MMP26: variants seen among roughly 807,000 people sequenced by gnomAD.
MMP26 encodes matrix metallopeptidase 26.
In MMP26, 33 loss-of-function variants were observed where a neutral mutation model predicts 31.0. The observed-to-expected ratio is 1.06, with a 90% CI of 0.81 to 1.42. The LOEUF is 1.42. Among genes scored for constraint, MMP26 ranks in the 40% most tolerant of loss-of-function variants. MMP26 has a pLI of 0.00. For missense variants in MMP26, 347 were observed against 316.1 expected (o/e 1.10, Z -0.74); for synonymous variants, 122 against 114.9 (o/e 1.06, Z -0.40).
chr11:4,991,524 A>G (rs1847002657), intron 6 of MMP26, 28 bp downstream of exon 6: 2 of 1,608,320 alleles, frequency 1.2e-6, no homozygotes, highest in African/African-American at 2.7e-5. Flanking sequence ...TGGGATCGCT[A>G]GAACTCTCTG....
intron 2 of MMP26, among the ~76,000 whole-genome samples, chr11:4,855,109 G>A: frequency 6.6e-6 from 1 of 152,114 alleles, no homozygotes; most frequent in South Asian, 2.1e-4. Flanking sequence ...ACAAAGATGG[G>A]GAGAAAACAG....
At chr11:4,721,028 A>G (rs951521951) in intron 1 of MMP26, among the ~76,000 whole-genome samples, 16 of 152,238 alleles carry the variant, frequency 1.1e-4, no homozygotes, top group Non-Finnish European at 2.1e-4. Flanking sequence ...CAAACATGAT[A>G]GACATATTTG....
intron 2 of MMP26, chr11:4,832,712 G>A: frequency 5.1e-6 from 1 of 194,186 alleles, no homozygotes; most frequent in South Asian, 1.1e-4. Context: ...TCTGACAACA[G>A]GGTTAACTTT....
intron 2 of MMP26, among the ~76,000 whole-genome samples, chr11:4,948,610 A>G (rs1846342469): frequency 1.6e-5 from 2 of 124,392 alleles, no homozygotes; most frequent in African/African-American, 2.7e-5. Context: ...TTGGTCCTAC[A>G]GTTGCAAATC....
chr11:4,923,276 T>C, intron 2 of MMP26: 18 of 1,282,978 alleles, frequency 1.4e-5, no homozygotes, highest in Non-Finnish European at 1.9e-5. Flanking sequence ...ATTGCCTTTT[T>C]GTTGACAGTC....
intron 2 of MMP26, among the ~76,000 whole-genome samples, chr11:4,960,676 C>T (rs1264786939): frequency 6.6e-6 from 1 of 151,888 alleles, no homozygotes; most frequent in Non-Finnish European, 1.5e-5. Context: ...AAGTCCAAAA[C>T]TCCAAAAATT....
intron 5 of MMP26, among the ~76,000 whole-genome samples, chr11:4,991,075 C>A (rs751024274): frequency 2.0e-5 from 3 of 152,180 alleles, no homozygotes; most frequent in African/African-American, 7.2e-5. Context: ...AGTTTAAATT[C>A]TCTTTCCCTT....
intron 2 of MMP26, among the ~76,000 whole-genome samples, chr11:4,818,908 T>C (rs536851048): frequency 6.6e-6 from 1 of 152,264 alleles, no homozygotes; most frequent in South Asian, 2.1e-4. Flanking sequence ...AGTGAATACA[T>C]TTGGAAAAGA....
In MMP26 at chr11:4,800,632, G is replaced by C. The variant is rs919791991; in HGVS notation, c.-145+33291G>C. Among the ~76,000 whole-genome samples, 3 of 152,146 alleles carry C rather than the reference G, an allele frequency of 2.0e-5. No individual in the cohort carries two copies. In the East Asian group the frequency reaches 5.8e-4, roughly 29 times the overall value. Reference sequence around the variant, plus strand: ...ATCTCTCTAGCAAGTGATTTCTCCAGAGCTTACTTGACTTCCTCCCTGGAA... The same window carrying C: ...ATCTCTCTAGCAAGTGATTTCTCCACAGCTTACTTGACTTCCTCCCTGGAA... On this transcript the variant is annotated intron_variant, in intron 2 of 7. Coordinates refer to ENST00000380390, the MANE Select transcript of MMP26 (RefSeq NM_021801.5).
intron 1 of MMP26, among the ~76,000 whole-genome samples, chr11:4,715,473 A>G (rs1169369801): frequency 6.6e-6 from 1 of 152,166 alleles, no homozygotes; most frequent in Non-Finnish European, 1.5e-5. Context: ...TGGATCAAAT[A>G]GTGGATCTAA....
chr11:4,857,485 T>A (rs1194318037), intron 2 of MMP26, among the ~76,000 whole-genome samples: 2 of 151,922 alleles, frequency 1.3e-5, no homozygotes, highest in Non-Finnish European at 2.9e-5. Flanking sequence ...AAGAAATGGA[T>A]AAATTCCTGG....
Position 4,764,963 on chromosome 11 carries a change from T to G in MMP26, c.-216-2307T>G, listed in dbSNP as rs149555074. Among the ~76,000 whole-genome samples, 134 of 152,248 alleles carry G rather than the reference T, an allele frequency of 8.8e-4. 1 individual carries two copies. The highest frequency in any genetic ancestry group is 2.9e-3 in the Admixed American group (45 of 15,278). ...ACTCCATTTCCTGAGTATTTGAAAC[T>G]TCAAGGGAGACACATGAGGACATTC... On this transcript the variant is annotated intron_variant, in intron 1 of 7. Transcript: ENST00000380390.
chr11:4,710,484 C>T (rs1847847332), intron 1 of MMP26: 1 of 438,586 alleles, frequency 2.3e-6, no homozygotes, highest in Admixed American at 2.4e-5. Flanking sequence ...CAAGGCTGTG[C>T]TCAAAGCATT....
intron 2 of MMP26, among the ~76,000 whole-genome samples, chr11:4,833,829 T>C (rs1005130115): frequency 6.6e-5 from 10 of 152,182 alleles, no homozygotes; most frequent in Non-Finnish European, 4.4e-5. Flanking sequence ...ATAGTAAAGA[T>C]AAGGGACTGA....
At chr11:4,989,506 A>C (rs948444163) in intron 3 of MMP26, 142 bp from the exon 4 acceptor site, 9 of 609,006 alleles carry the variant, frequency 1.5e-5, no homozygotes, top group Non-Finnish European at 2.6e-5. Context: ...GGCTGCCATC[A>C]TCTGACTGAG....
At chr11:4,935,728 C>G (rs1008636289) in intron 2 of MMP26, among the ~76,000 whole-genome samples, 3 of 149,874 alleles carry the variant, frequency 2.0e-5, no homozygotes, top group African/African-American at 7.3e-5. Context: ...ATAGATAGCT[C>G]TTATCATTTT....
At chr11:4,806,094 C>T (rs1256664696) in intron 2 of MMP26, among the ~76,000 whole-genome samples, 1 of 152,044 alleles carries the variant, frequency 6.6e-6, no homozygotes, top group African/African-American at 2.4e-5. Context: ...AAGGCCTTAT[C>T]TTTTCCTAAA....
intron 2 of MMP26, among the ~76,000 whole-genome samples, chr11:4,980,153 C>T (rs1179509594): frequency 6.6e-6 from 1 of 152,038 alleles, no homozygotes. Context: ...CATTACCTGG[C>T]TTTTTTGCAT....
intron 2 of MMP26, chr11:4,924,029 A>G (rs1262260691): frequency 6.2e-7 from 1 of 1,614,062 alleles, no homozygotes; most frequent in African/African-American, 1.3e-5. Context: ...GTGGATGAAG[A>G]AGAGCTGAGT....
Sources: gnomAD v4.1 joint callset for allele counts (sites outside exome capture counted in the v4.1 genomes callset) on GRCh38, gnomAD v4.1.1 for gene constraint, MANE v1.5 for transcripts, NCBI Gene and HGNC (gene_info 2026-07-23, HGNC 2026-07-21) for gene names.